MPHOSPH9: variants seen among roughly 807,000 people sequenced by gnomAD.
MPHOSPH9 encodes the protein M-phase phosphoprotein 9.
Under a neutral mutation model 145.5 loss-of-function variants are expected in MPHOSPH9, and 88 were observed. That is an observed-to-expected ratio of 0.60 (90% confidence interval 0.51 to 0.72). MPHOSPH9 has a LOEUF of 0.72. MPHOSPH9 is among the 30% of genes least tolerant of loss of function. The pLI is 0.00. For missense variants in MPHOSPH9, 1,238 were observed against 1,386.6 expected (o/e 0.89, Z 1.70); for synonymous variants, 435 against 486.2 (o/e 0.89, Z 1.39).
intron 8 of MPHOSPH9, among the ~76,000 whole-genome samples, chr12:123,207,509 T>C (rs1231212929): frequency 6.6e-6 from 1 of 152,202 alleles, no homozygotes; most frequent in African/African-American, 2.4e-5. Context: ...CTTGGTTACT[T>C]TAATAGTATC....
At chr12:123,208,881 A>C (rs1394744625) in intron 8 of MPHOSPH9, among the ~76,000 whole-genome samples, 1 of 152,056 alleles carries the variant, frequency 6.6e-6, no homozygotes, top group Non-Finnish European at 1.5e-5. Flanking sequence ...TATGATGCCC[A>C]GCTCAAGCCA....
At chr12:123,236,560 C>G (rs1007867106), upstream of MPHOSPH9, among the ~76,000 whole-genome samples, 3 of 151,114 alleles carry the variant, frequency 2.0e-5, no homozygotes, top group African/African-American at 7.3e-5. Context: ...TGCCACTGCA[C>G]TCCACTTGGG....
At chr12:123,184,794 G>A (rs756551014) in intron 13 of MPHOSPH9, among the ~76,000 whole-genome samples, 2 of 150,916 alleles carry the variant, frequency 1.3e-5, no homozygotes, top group Non-Finnish European at 2.9e-5. Flanking sequence ...CACCGTGCCC[G>A]GCCTATTTAA....
chr12:123,191,449 C>T (rs906246613), intron 13 of MPHOSPH9, among the ~76,000 whole-genome samples: 3 of 152,178 alleles, frequency 2.0e-5, no homozygotes, highest in Non-Finnish European at 4.4e-5. Context: ...CATCACCACG[C>T]CTAGCTAATG....
At position 123,179,716 on chromosome 12, in the gene MPHOSPH9, TA is replaced by T. The variant is rs11380874; in HGVS notation, c.2354+209del. Among the ~76,000 whole-genome samples the T allele has an allele frequency of 6.5e-3, 838 of 128,744 alleles. 5 individuals are homozygous for T. Among genetic ancestry groups the T allele is most frequent in the African/African-American group, 0.02 (710 of 34,872 alleles). The allele number at this position is 128,744 out of a possible 152,430, so 84.5% of individuals were successfully genotyped here. A position where few individuals can be genotyped will look rare whatever the true frequency, so the allele number is the denominator to read the frequency against. ...GCAACATAGTGAGACCCTGTCTCTTTAAAAAAAAAAAAAAAAAAAGAGAGAG... is the reference window on the plus strand; with the variant it reads ...GCAACATAGTGAGACCCTGTCTCTTTAAAAAAAAAAAAAAAAAAGAGAGAG... On this transcript the variant is annotated intron_variant, in intron 15 of 23. Coordinates refer to ENST00000606320, the MANE Select transcript of MPHOSPH9 (RefSeq NM_022782.4).
rs143732191 is a variant in MPHOSPH9 at position 123,172,553 on chromosome 12, G to A, written c.2456+4135C>T. 5.8e-3 allele frequency among the ~76,000 whole-genome samples: 880 copies of A among 152,010 alleles called. 6 individuals carry two copies. The highest frequency in any genetic ancestry group is 0.044 in the South Asian group (211 of 4,818). On this transcript the variant is annotated intron_variant, in intron 16 of 23. Transcript: ENST00000606320. ...TTGCCATGTTGGCCAGGCTGGTCTCGAACTCCTGACCTCAGGTGATCCACC... is the reference window on the plus strand; with the variant it reads ...TTGCCATGTTGGCCAGGCTGGTCTCAAACTCCTGACCTCAGGTGATCCACC...
intron 4 of MPHOSPH9, among the ~76,000 whole-genome samples, chr12:123,222,422 T>C (rs2047244590): frequency 6.6e-6 from 1 of 151,954 alleles, no homozygotes; most frequent in African/African-American, 2.4e-5. Flanking sequence ...TCCCAGCACT[T>C]TGGGAGGCCA....
chr12:123,214,930 G>C, intron 6 of MPHOSPH9, 96 bp from the exon 7 acceptor site: 4 of 976,934 alleles, frequency 4.1e-6, no homozygotes, highest in Non-Finnish European at 6.5e-6. Flanking sequence ...CAGGTGGGGA[G>C]AAACCTTCAG....
intron 19 of MPHOSPH9, chr12:123,163,393 G>A (rs552980181): frequency 8.1e-5 from 29 of 360,082 alleles, no homozygotes; most frequent in South Asian, 4.1e-4. Context: ...TTTAGAAGTC[G>A]ACTGGAAATA....
In MPHOSPH9 at chr12:123,164,082, G is replaced by C. The variant is rs747387863; in HGVS notation, c.2776C>G (p.Arg926Gly). 3 of 1,614,076 alleles carry C rather than the reference G, an allele frequency of 1.9e-6. No individual in the cohort carries two copies. The South Asian group carries it at 3.3e-5, about 18-fold the overall frequency. Residue 926 changes from arginine to glycine, a missense_variant, in exon 19 of 24, where the codon CGG (arginine) becomes GGG (glycine). Physicochemically the swap from Arg to Gly is moderately radical, Grantham distance 125. Coordinates refer to ENST00000606320, the MANE Select transcript of MPHOSPH9 (RefSeq NM_022782.4). ...GCATTAACTGAAGTTTCAGTTTGCC[G>C]AGGATTTACTACAGCAGACCAAAAA... ...EKEDTSNINP[R>G]QTETSVNASR...
intron 13 of MPHOSPH9, among the ~76,000 whole-genome samples, chr12:123,184,216 T>C (rs192911322): frequency 6.6e-6 from 1 of 151,892 alleles, no homozygotes; most frequent in Admixed American, 6.6e-5. Flanking sequence ...AAAATAAATA[T>C]ATTAACAAAT....
intron 13 of MPHOSPH9, among the ~76,000 whole-genome samples, chr12:123,186,966 G>A (rs1349941457): frequency 6.6e-6 from 1 of 151,322 alleles, no homozygotes; most frequent in African/African-American, 2.4e-5. Flanking sequence ...ATCTCAAAAA[G>A]GAAAGAAAGA....
chr12:123,213,850 G>T (rs889928093), intron 7 of MPHOSPH9, among the ~76,000 whole-genome samples: 1 of 152,150 alleles, frequency 6.6e-6, no homozygotes, highest in Non-Finnish European at 1.5e-5. Flanking sequence ...GGATCACTTT[G>T]TCTACTATGT....
At position 123,181,841 on chromosome 12, in the gene MPHOSPH9, C is replaced by T. The variant is rs577350266; in HGVS notation, c.2242-631G>A. Among the ~76,000 whole-genome samples, 14 of 152,010 alleles carry T rather than the reference C, an allele frequency of 9.2e-5. 1 individual carries two copies. The South Asian group carries it at 2.5e-3, about 27-fold the overall frequency. ...TGTAGTGAGGCTTGCAGTGAGATTG[C>T]ACCACTGCACTCTAGCCTGGGCCAC... On this transcript the variant is annotated intron_variant, in intron 13 of 23. Coordinates refer to ENST00000606320, the MANE Select transcript of MPHOSPH9 (RefSeq NM_022782.4).
rs2043849593 is a variant in MPHOSPH9 at position 123,155,908 on chromosome 12, T to A, written c.*899A>T. The A allele has an allele frequency of 2.0e-5, 3 of 152,278 alleles. No homozygotes were observed. Among genetic ancestry groups the A allele is most frequent in the Non-Finnish European group, 4.4e-5 (3 of 68,086 alleles). The allele number at this position is 152,278 out of a possible 1,614,324, so 9.4% of individuals were successfully genotyped here. On this transcript the variant is annotated 3_prime_UTR_variant, in exon 24 of 24. Transcript: ENST00000606320. ...ACCTACAGTGGAAATATTTTCCTTT[T>A]GGCCAGGGTGAAGGAGTGGAAAGGG...
intron 13 of MPHOSPH9, among the ~76,000 whole-genome samples, chr12:123,186,613 T>C (rs960948808): frequency 6.6e-6 from 1 of 152,004 alleles, no homozygotes; most frequent in African/African-American, 2.4e-5. Context: ...CATCTTCAGC[T>C]AGGACCTAGA....
At chr12:123,176,840 A>T (rs2044890704) in intron 15 of MPHOSPH9, 51 bp from the exon 16 acceptor site, 1 of 1,370,482 alleles carries the variant, frequency 7.3e-7, no homozygotes, top group African/African-American at 1.4e-5. Flanking sequence ...CAAATGTAAA[A>T]TATAGCTCAA....
At chr12:123,164,205 T>C (rs893448432) in intron 18 of MPHOSPH9, 115 bp from the exon 19 acceptor site, 1 of 1,191,668 alleles carries the variant, frequency 8.4e-7, no homozygotes, top group African/African-American at 1.5e-5. Flanking sequence ...GCCCCACAGC[T>C]TAGGTTCTGC....
At chr12:123,203,819 G>T (rs2046314375) in intron 8 of MPHOSPH9, among the ~76,000 whole-genome samples, 1 of 152,062 alleles carries the variant, frequency 6.6e-6, no homozygotes, top group South Asian at 2.1e-4. Flanking sequence ...AAGTTGCTGG[G>T]ACTACACGAG....
Sources: gnomAD v4.1 joint callset for allele counts (sites outside exome capture counted in the v4.1 genomes callset) on GRCh38, gnomAD v4.1.1 for gene constraint, MANE v1.5 for transcripts, NCBI Gene and HGNC (gene_info 2026-07-23, HGNC 2026-07-21) for gene names.